COL7A1: variants seen among roughly 807,000 people sequenced by gnomAD.
COL7A1 encodes the protein collagen type VII alpha 1 chain, also known as collagen alpha-1(VII) chain.
A neutral mutation model predicts 456.2 loss-of-function variants in COL7A1; 296 were observed. That is an observed-to-expected ratio of 0.65 (90% CI 0.59 to 0.71). The LOEUF is 0.71. COL7A1 is among the 30% of genes least tolerant of loss of function. The pLI, the probability that COL7A1 is intolerant of heterozygous loss-of-function variation, is 0.00. For missense variants in COL7A1, 3,441 were observed against 4,017.2 expected (o/e 0.86, Z 3.88); for synonymous variants, 1,464 against 1,525.9 (o/e 0.96, Z 0.95).
Position 48,564,477 on chromosome 3 carries a change from C to G in COL7A1, c.8819-55G>C. Reference sequence around the variant, plus strand: ...AGCCATCTGACCTTCCCCGGAGACGCTCAGGCAGAGGCACCGCCAAGGGGA... The same window carrying G: ...AGCCATCTGACCTTCCCCGGAGACGGTCAGGCAGAGGCACCGCCAAGGGGA... On this transcript the variant is annotated intron_variant, in intron 118 of 118. Coordinates refer to ENST00000681320, the MANE Select transcript of COL7A1 (RefSeq NM_000094.4). This position sits in a 1 kb window ranked among gnomAD's most constrained non-coding sequence, Gnocchi z 6.0. 1 of 1,609,542 alleles carries G rather than the reference C, an allele frequency of 6.2e-7. No individual in the cohort carries two copies. The highest frequency in any genetic ancestry group is 8.5e-7 in the Non-Finnish European group (1 of 1,177,084).
In COL7A1 at chr3:48,573,774, C is replaced by T; in HGVS notation, c.6538-49G>A. 6.2e-7 allele frequency: 1 copy of T among 1,613,938 alleles called. No homozygotes were observed. The highest frequency in any genetic ancestry group is 1.1e-5 in the South Asian group (1 of 91,068). ...ATGAGGGGGAGTTAGCCGCACCCCA[C>T]CAAGGAAACTGAGGCAGTACTGGTC... On this transcript the variant is annotated intron_variant, in intron 81 of 118. Transcript: ENST00000681320. The surrounding 1 kb of genome is among the most constrained non-coding windows in gnomAD (Gnocchi z 5.5).
Position 48,569,944 on chromosome 3 carries a change from C to T in COL7A1, c.7486-29G>A, listed in dbSNP as rs1336137596. On this transcript the variant is annotated intron_variant, in intron 99 of 118. Transcript: ENST00000681320. The surrounding 1 kb of genome is among the most constrained non-coding windows in gnomAD (Gnocchi z 4.9). ...TGTGAGAGAAGGTGACCGTGAGCTA[C>T]AGGAACCAGGGCAGTGGAGGACGGA... The T allele has an allele frequency of 1.2e-6, 2 of 1,613,658 alleles. No homozygotes were observed. Among genetic ancestry groups the T allele is most frequent in the African/African-American group, 1.3e-5 (1 of 74,884 alleles).
rs1560241164 is a variant in COL7A1, at chr3:48,583,879, C to CAG, written c.4278+19_4278+20dup. The CAG allele has an allele frequency of 6.2e-7, 1 of 1,613,846 alleles. No homozygotes were observed. Among genetic ancestry groups the CAG allele is most frequent in the South Asian group, 1.1e-5 (1 of 91,082 alleles). On this transcript the variant is annotated intron_variant, in intron 39 of 118. Transcript: ENST00000681320. This position sits in a 1 kb window ranked among gnomAD's most constrained non-coding sequence, Gnocchi z 5.1. ...CCACACCCCTGAGCAGGGCCCCCAG[C>CAG]AGAGCCTCAAGGCCCCTCACCGGCA...
At position 48,588,670 on chromosome 3, in the gene COL7A1, G is replaced by A; in HGVS notation, c.2559C>T (p.Gly853=). ...RVTALVGDRE[G]TPVSIVVTTP... ...TAGTGACAACAATGGAGACAGGTGT[G>A]CCCTCGCGGTCCCCGACAAGTGCAG... Residue 853 remains glycine, a synonymous_variant, in exon 20 of 119, where the codon GGC becomes GGT. Transcript: ENST00000681320. The surrounding 1 kb of genome is among the most constrained non-coding windows in gnomAD (Gnocchi z 4.6). 1 of 1,613,832 alleles carries A rather than the reference G, an allele frequency of 6.2e-7. No individual in the cohort carries two copies. Among genetic ancestry groups the A allele is most frequent in the East Asian group, 2.2e-5 (1 of 44,896 alleles).
Position 48,569,717 on chromosome 3 carries a change from A to C in COL7A1, c.7557+8T>G, listed in dbSNP as rs1175323171. 2 of 1,614,050 alleles carry C rather than the reference A, an allele frequency of 1.2e-6. No homozygotes were observed. The highest frequency in any genetic ancestry group is 1.1e-5 in the South Asian group (1 of 91,078). ...CCCCTGCCCTGCCCTCCCCATGCCCACACTCACCTTGTCACCCTTTAGTCC... is the reference window on the plus strand; with the variant it reads ...CCCCTGCCCTGCCCTCCCCATGCCCCCACTCACCTTGTCACCCTTTAGTCC... On this transcript the variant is annotated splice_region_variant and intron_variant, in intron 101 of 118. Coordinates refer to ENST00000681320, the MANE Select transcript of COL7A1 (RefSeq NM_000094.4). The surrounding 1 kb of genome is among the most constrained non-coding windows in gnomAD (Gnocchi z 4.9).
chr3:48,564,637 C>T lies in COL7A1; in HGVS notation c.8818+146G>A. 9.2e-7 allele frequency: 1 copy of T among 1,083,728 alleles called. No individual in the cohort carries two copies. The highest frequency in any genetic ancestry group is 1.3e-6 in the Non-Finnish European group (1 of 749,398). The allele number at this position is 1,083,728 out of a possible 1,614,324, so 67.1% of individuals were successfully genotyped here. A position where few individuals can be genotyped will look rare whatever the true frequency, so the allele number is the denominator to read the frequency against. ...GGGGCTCTATATTCAGCTCTTTGGT[C>T]TGGGCGTCTGCCCCAGGTCCCCTAC... On this transcript the variant is annotated intron_variant, in intron 118 of 118. Coordinates refer to ENST00000681320, the MANE Select transcript of COL7A1 (RefSeq NM_000094.4). The surrounding 1 kb of genome is among the most constrained non-coding windows in gnomAD (Gnocchi z 6.0).
chr3:48,590,899 G>T lies in COL7A1; in HGVS notation c.1637-83C>A. 1 of 1,339,256 alleles carries T rather than the reference G, an allele frequency of 7.5e-7. No homozygotes were observed. Among genetic ancestry groups the T allele is most frequent in the Non-Finnish European group, 1.0e-6 (1 of 960,690 alleles). 83.0% of individuals were successfully genotyped at this position (1,339,256 alleles called of 1,614,324 possible). A position where few individuals can be genotyped will look rare whatever the true frequency, so the allele number is the denominator to read the frequency against. ...GATGGCAGTGATGGACAGGGACGCAGAGTGAGAAGGGCCATGGGGGTGGGG... is the reference window on the plus strand; with the variant it reads ...GATGGCAGTGATGGACAGGGACGCATAGTGAGAAGGGCCATGGGGGTGGGG... On this transcript the variant is annotated intron_variant, in intron 13 of 118. Transcript: ENST00000681320. The surrounding 1 kb of genome is among the most constrained non-coding windows in gnomAD (Gnocchi z 4.6).
Position 48,564,165 on chromosome 3 carries a change from C to T in COL7A1, c.*241G>A, listed in dbSNP as rs920748115. On this transcript the variant is annotated 3_prime_UTR_variant, in exon 119 of 119. Coordinates refer to ENST00000681320, the MANE Select transcript of COL7A1 (RefSeq NM_000094.4). This position sits in a 1 kb window ranked among gnomAD's most constrained non-coding sequence, Gnocchi z 6.0. ...GGGCGGGTCAGACGCCAGTCACATC[C>T]GCTCACTGCCCACAGCCACCCCCCC... The T allele has an allele frequency of 2.6e-5, 16 of 608,902 alleles. No individual in the cohort carries two copies. The highest frequency in any genetic ancestry group is 9.6e-5 in the Admixed American group (4 of 41,790). 37.7% of individuals were successfully genotyped at this position (608,902 alleles called of 1,614,324 possible). A position where few individuals can be genotyped will look rare whatever the true frequency, so the allele number is the denominator to read the frequency against.
At chr3:48,577,140 G>A in intron 65 of COL7A1, 113 bp from the exon 66 acceptor site, 2 of 1,416,986 alleles carry the variant, frequency 1.4e-6, no homozygotes, top group South Asian at 2.3e-5. Flanking sequence ...GTAGCTCCAT[G>A]GTTGTGTGTG....
rs772868609 is a variant in COL7A1 at position 48,572,909 on chromosome 3, C to T, written c.6784G>A (p.Asp2262Asn). 2 of 1,613,966 alleles carry T rather than the reference C, an allele frequency of 1.2e-6. No homozygotes were observed. Among genetic ancestry groups the T allele is most frequent in the South Asian group, 2.2e-5 (2 of 91,078 alleles). ...TCTCCATCTTTTCCACTGGCACCAT[C>T]TCGACCTGGGGCTCCCGGCTTCCCT... ...ETGKPGAPGRDGASGKDGDRG... is the reference protein window; with the variant it reads ...ETGKPGAPGRNGASGKDGDRG... The change falls in exon 87 of 119, where the codon GAT becomes AAT. Residue 2262 changes from aspartate (D) to asparagine (N), a missense_variant. Transcript: ENST00000681320. The surrounding 1 kb of genome is among the most constrained non-coding windows in gnomAD (Gnocchi z 4.6).
Position 48,568,988 on chromosome 3 carries a change from G to T in COL7A1, c.7687-133C>A. The T allele has an allele frequency of 1.2e-6, 1 of 859,666 alleles. No homozygotes were observed. Among genetic ancestry groups the T allele is most frequent in the South Asian group, 1.5e-5 (1 of 68,800 alleles). The allele number at this position is 859,666 out of a possible 1,614,324, so 53.3% of individuals were successfully genotyped here. On this transcript the variant is annotated intron_variant, in intron 103 of 118. Coordinates refer to ENST00000681320, the MANE Select transcript of COL7A1 (RefSeq NM_000094.4). The surrounding 1 kb of genome is among the most constrained non-coding windows in gnomAD (Gnocchi z 5.2). The stretch of plus-strand genomic sequence containing the variant: ...CCCTAGCAGCACGTCCTCCCAGCCT[G>T]TGCCATAGCGGGTGGAACTGGGGGC...
In COL7A1 at chr3:48,588,952, A is replaced by G. The variant is rs2045494563; in HGVS notation, c.2358T>C (p.Asn786=). The G allele has an allele frequency of 4.3e-6, 7 of 1,613,612 alleles. No homozygotes were observed. The highest frequency in any genetic ancestry group is 4.2e-6 in the Non-Finnish European group (5 of 1,180,024). ...VGRVSRLQIL[N]ASSDVLRITW... ...TGATCCGTAGAACGTCGCTGGAAGCATTGAGGATCTGCAGCCTCGACACAC... is the reference window on the plus strand; with the variant it reads ...TGATCCGTAGAACGTCGCTGGAAGCGTTGAGGATCTGCAGCCTCGACACAC... Residue 786 remains asparagine, a synonymous_variant, in exon 19 of 119, where the codon AAT becomes AAC. Coordinates refer to ENST00000681320, the MANE Select transcript of COL7A1 (RefSeq NM_000094.4). This position sits in a 1 kb window ranked among gnomAD's most constrained non-coding sequence, Gnocchi z 4.6.
rs188051662 is a variant in COL7A1 at position 48,568,252 on chromosome 3, C to A, written c.7795-82G>T. 7 of 1,502,928 alleles carry A rather than the reference C, an allele frequency of 4.7e-6. No individual in the cohort carries two copies. In the Admixed American group the frequency reaches 1.2e-4, roughly 26 times the overall value. The allele number at this position is 1,502,928 out of a possible 1,614,324, so 93.1% of individuals were successfully genotyped here. A position where few individuals can be genotyped will look rare whatever the true frequency, so the allele number is the denominator to read the frequency against. On this transcript the variant is annotated intron_variant, in intron 105 of 118. Transcript: ENST00000681320. This position sits in a 1 kb window ranked among gnomAD's most constrained non-coding sequence, Gnocchi z 5.2. ...ATCGCCCTGGATAGTGGGTAGGGAA[C>A]ACCATGGGGTGGGAGTCACCTCTGG...
At position 48,575,281 on chromosome 3, in the gene COL7A1, G is replaced by A; in HGVS notation, c.6181-39C>T. The A allele has an allele frequency of 6.2e-7, 1 of 1,613,752 alleles. No individual in the cohort carries two copies. Among genetic ancestry groups the A allele is most frequent in the Non-Finnish European group, 8.5e-7 (1 of 1,179,878 alleles). ...AGCGGGTGAGGGCCAAGCCCATGGG[G>A]GGTCCCACCCCTCCCAACCCCTCTT... On this transcript the variant is annotated intron_variant, in intron 74 of 118. Coordinates refer to ENST00000681320, the MANE Select transcript of COL7A1 (RefSeq NM_000094.4). This position sits in a 1 kb window ranked among gnomAD's most constrained non-coding sequence, Gnocchi z 6.3.
In COL7A1 at chr3:48,572,646, G is replaced by T. The variant is rs370625256; in HGVS notation, c.6900+25C>A. ...GTGAGGCAGAGGAGTTGCTGCAGGG[G>T]GTGGAAGTCAGGGTCAAAGATCACC... On this transcript the variant is annotated intron_variant, in intron 88 of 118. Transcript: ENST00000681320. This position sits in a 1 kb window ranked among gnomAD's most constrained non-coding sequence, Gnocchi z 4.6. 2.5e-6 allele frequency: 4 copies of T among 1,603,598 alleles called. No homozygotes were observed. The African/African-American group carries it at 5.4e-5, about 21-fold the overall frequency.
Position 48,572,046 on chromosome 3 carries a change from C to T in COL7A1, c.7024-1G>A. 1.2e-6 allele frequency: 2 copies of T among 1,613,278 alleles called. No individual in the cohort carries two copies. The highest frequency in any genetic ancestry group is 1.7e-6 in the Non-Finnish European group (2 of 1,179,668). On this transcript the variant is annotated splice_acceptor_variant, in intron 91 of 118. Transcript: ENST00000681320. LOFTEE classifies it high-confidence loss of function. The surrounding 1 kb of genome is among the most constrained non-coding windows in gnomAD (Gnocchi z 4.6). Reference sequence around the variant, plus strand: ...GCTCCCCTGCACGGCCAGCTTCACCCTGCACAGAATGGCAGGTGAGGGGTG... The same window carrying T: ...GCTCCCCTGCACGGCCAGCTTCACCTTGCACAGAATGGCAGGTGAGGGGTG...
At position 48,593,370 on chromosome 3, in the gene COL7A1, T is replaced by C; in HGVS notation, c.506A>G (p.Lys169Arg). ...TCGGTCCTTACCCACAGCAAATAGC[T>C]TGACCCCCTGCCCCTTCAGCCTTTG... ...AAQRLKGQGV[K>R]LFAVGIKNAD... The change falls in exon 5 of 119, where the codon AAG (lysine) becomes AGG (arginine). Residue 169 changes from lysine to arginine, a missense_variant. Physicochemically the swap from Lys to Arg is conservative, Grantham distance 26 (BLOSUM62 2). This residue lies in a region of COL7A1 where 913 missense variants were observed against 1,088.2 expected (regional missense o/e 0.84). Coordinates refer to ENST00000681320, the MANE Select transcript of COL7A1 (RefSeq NM_000094.4). The surrounding 1 kb of genome is among the most constrained non-coding windows in gnomAD (Gnocchi z 4.4). 1 of 1,614,106 alleles carries C rather than the reference T, an allele frequency of 6.2e-7. No individual in the cohort carries two copies. The highest frequency in any genetic ancestry group is 8.5e-7 in the Non-Finnish European group (1 of 1,180,014).
At chr3:48,576,374 G>A (rs909554770) in intron 70 of COL7A1, 26 bp downstream of exon 70, 9 of 1,613,758 alleles carry the variant, frequency 5.6e-6, no homozygotes, top group African/African-American at 1.3e-5. Context: ...GGCTACCTGG[G>A]CATGTGGAAA....
chr3:48,569,236 C>A lies in COL7A1; in HGVS notation c.7686+139G>T. 1 of 1,069,566 alleles carries A rather than the reference C, an allele frequency of 9.3e-7. No individual in the cohort carries two copies. Among genetic ancestry groups the A allele is most frequent in the Non-Finnish European group, 1.4e-6 (1 of 698,888 alleles). The allele number at this position is 1,069,566 out of a possible 1,614,324, so 66.3% of individuals were successfully genotyped here. A position where few individuals can be genotyped will look rare whatever the true frequency, so the allele number is the denominator to read the frequency against. On this transcript the variant is annotated intron_variant, in intron 103 of 118. Coordinates refer to ENST00000681320, the MANE Select transcript of COL7A1 (RefSeq NM_000094.4). The surrounding 1 kb of genome is among the most constrained non-coding windows in gnomAD (Gnocchi z 4.9). ...TCCCTAGAGCCCCTCCTCTCGGCCA[C>A]TCCATAGTCAGCCACAGAACCCCTT... is the stretch of plus-strand genomic sequence containing the variant.
Sources: gnomAD v4.1 joint callset for allele counts on GRCh38, gnomAD v4.1.1 for gene constraint, gnomAD v4.1.1 regional missense constraint, Gnocchi (gnomAD v3.1) non-coding constraint, MANE v1.5 for transcripts, NCBI Gene and HGNC (gene_info 2026-07-23, HGNC 2026-07-21) for gene names.